The following QTRT1 variants were observed in gnomAD, a reference collection of about 807,000 sequenced individuals.
The protein encoded by QTRT1 is TGT, 43-KD subunit.
QTRT1 carries 41 observed loss-of-function variants against 44.0 expected under a neutral mutation model. The ratio of observed to expected loss-of-function variants is 0.93; its 90% CI spans 0.73 to 1.21. The LOEUF is 1.21. Ranked by LOEUF, QTRT1 falls within the 50% of genes most tolerant of loss-of-function variation. QTRT1 has a pLI of 0.00. For missense variants in QTRT1, 542 were observed against 575.8 expected, an observed-to-expected ratio of 0.94 and a Z score of 0.60; for synonymous variants, 226 against 237.1, an observed-to-expected ratio of 0.95 and a Z score of 0.43.
At chr19:10,702,371 A>G in intron 3 of QTRT1, 117 bp downstream of exon 3, 2 of 1,175,284 alleles carry the variant, frequency 1.7e-6, no homozygotes, top group East Asian at 2.5e-5. Flanking sequence ...GCTGAGCTTC[A>G]GTTGAACCAA....
chr19:10,708,012 A>G (rs2068722654), intron 5 of QTRT1, among the ~76,000 whole-genome samples: 1 of 148,902 alleles, frequency 6.7e-6, no homozygotes, highest in Non-Finnish European at 1.5e-5. Flanking sequence ...CTGTGGCGCG[A>G]TCTCGGCTCA....
Position 10,712,342 on chromosome 19 carries a change from T to C in QTRT1, c.785+43T>C. On this transcript the variant is annotated intron_variant, in intron 6 of 9. Transcript: ENST00000250237. This position sits in a 1 kb window ranked among gnomAD's most constrained non-coding sequence, Gnocchi z 5.6. ...AAGCCAGAGCCCTACCTGTGGGAAG[T>C]GGATTCCTGGGGACCCCCTACCCTG... 1 of 1,578,270 alleles carries C rather than the reference T, an allele frequency of 6.3e-7. No homozygotes were observed. Among genetic ancestry groups the C allele is most frequent in the East Asian group, 2.2e-5 (1 of 44,588 alleles).
At chr19:10,707,191 CG>C (rs1568252803) in intron 3 of QTRT1, 110 bp from the exon 4 acceptor site, 2 of 1,064,312 alleles carry the variant, frequency 1.9e-6, no homozygotes, top group Non-Finnish European at 2.9e-6. Context: ...GTTAGCAAGA[CG>C]GGGGATGGGG....
chr19:10,710,049 G>A (rs183834406), intron 5 of QTRT1, among the ~76,000 whole-genome samples: 17 of 152,102 alleles, frequency 1.1e-4, no homozygotes, highest in Admixed American at 1.0e-3. Context: ...CGCAAGCATG[G>A]GAGTGTGTGC....
Position 10,712,292 on chromosome 19 carries a change from G to A in QTRT1, c.778G>A (p.Gly260Arg). The change falls in exon 6 of 10, where the codon GGG (glycine) becomes AGG (arginine). Residue 260 changes from glycine to arginine, a missense_variant. Coordinates refer to ENST00000250237, the MANE Select transcript of QTRT1 (RefSeq NM_031209.3). This position sits in a 1 kb window ranked among gnomAD's most constrained non-coding sequence, Gnocchi z 5.6. ...GAAGGACAAGCCCCGATATCTGATG[G>A]GGGTTGGGTATGTTGTGGATAGGGA... ...LPKDKPRYLM[G>R]VGYATDLVVC... is the part of the protein sequence containing the mutation. 1 of 1,611,568 alleles carries A rather than the reference G, an allele frequency of 6.2e-7. No homozygotes were observed. The highest frequency in any genetic ancestry group is 1.3e-5 in the African/African-American group (1 of 75,054).
At position 10,707,344 on chromosome 19, in the gene QTRT1, C is replaced by T; in HGVS notation, c.494C>T (p.Thr165Ile). 1 of 1,614,144 alleles carries T rather than the reference C, an allele frequency of 6.2e-7. No individual in the cohort carries two copies. The highest frequency in any genetic ancestry group is 8.5e-7 in the Non-Finnish European group (1 of 1,180,036). ...CAGCTGGACGACGTGGTTAGCAGTA[C>T]TGTGACTGGGCCACGTGTGGAGGAG... Reference protein sequence around the residue: ...IMQLDDVVSSTVTGPRVEEAM... With the variant: ...IMQLDDVVSSIVTGPRVEEAM... Residue 165 changes from threonine (T) to isoleucine (I), a missense_variant, in exon 4 of 10, where the codon ACT (threonine) becomes ATT (isoleucine). Coordinates refer to ENST00000250237, the MANE Select transcript of QTRT1 (RefSeq NM_031209.3).
chr19:10,712,015 C>T lies in QTRT1; in HGVS notation c.647-146C>T, dbSNP rs557048833. 394 of 992,500 alleles carry T rather than the reference C, an allele frequency of 4.0e-4. 5 individuals carry two copies. Among genetic ancestry groups the T allele is most frequent in the South Asian group, 2.1e-3 (153 of 71,232 alleles). 61.5% of individuals were successfully genotyped at this position (992,500 alleles called of 1,614,324 possible). ...TCTGTCTCCCTCTCCGTCTCCCTCT[C>T]CGTCTCTGGCTCTGTCTGTCTGTCT... On this transcript the variant is annotated intron_variant, in intron 5 of 9. Transcript: ENST00000250237. The surrounding 1 kb of genome is among the most constrained non-coding windows in gnomAD (Gnocchi z 5.6).
chr19:10,707,442 C>A, intron 4 of QTRT1, 58 bp from the exon 5 acceptor site: 1 of 1,609,596 alleles, frequency 6.2e-7, no homozygotes, highest in Non-Finnish European at 8.5e-7. Context: ...GTCCCTGTAG[C>A]CTTGTCTCCT....
At chr19:10,703,654 G>C (rs1468240384) in intron 3 of QTRT1, among the ~76,000 whole-genome samples, 1 of 151,888 alleles carries the variant, frequency 6.6e-6, no homozygotes, top group African/African-American at 2.4e-5. Context: ...AAGTAGCTGG[G>C]ATTACAGGTG....
intron 5 of QTRT1, chr19:10,711,889 A>G (rs780076279): frequency 5.4e-6 from 3 of 558,522 alleles, no homozygotes. Context: ...CTGAGTACTG[A>G]AGGAAAAGGT....
chr19:10,712,846 G>A lies in QTRT1; in HGVS notation c.950G>A (p.Cys317Tyr). The A allele has an allele frequency of 2.5e-6, 4 of 1,613,942 alleles. No homozygotes were observed. Among genetic ancestry groups the A allele is most frequent in the East Asian group, 2.2e-5 (1 of 44,882 alleles). ...EKDFGPIDPE[C>Y]TCPTCQKHSR... ...GACTTCGGCCCCATAGACCCGGAGT[G>A]CACCTGCCCCACGTGCCAAAAGTAG... Residue 317 changes from cysteine to tyrosine, a missense_variant, in exon 8 of 10, where the codon TGC becomes TAC. Cys to Tyr is a radical substitution (Grantham distance 194). Coordinates refer to ENST00000250237, the MANE Select transcript of QTRT1 (RefSeq NM_031209.3). The surrounding 1 kb of genome is among the most constrained non-coding windows in gnomAD (Gnocchi z 5.6).
At chr19:10,702,992 C>T (rs1243951027) in intron 3 of QTRT1, among the ~76,000 whole-genome samples, 3 of 150,564 alleles carry the variant, frequency 2.0e-5, no homozygotes, top group Non-Finnish European at 4.4e-5. Context: ...TACTCTCAAA[C>T]TCCTGAGCTC....
Position 10,702,179 on chromosome 19 carries a change from C to G in QTRT1, c.376C>G (p.Arg126Gly), listed in dbSNP as rs1195451187. The change falls in exon 3 of 10, where the codon CGC becomes GGC. Residue 126 changes from arginine to glycine, a missense_variant. Arg to Gly is a moderately radical substitution (Grantham distance 125). Coordinates refer to ENST00000250237, the MANE Select transcript of QTRT1 (RefSeq NM_031209.3). ...GTCCGAGGTGACGGAGGAGGGCGTCCGCTTCCGCTCCCCCTACGACGGCAA... is the reference window on the plus strand; with the variant it reads ...GTCCGAGGTGACGGAGGAGGGCGTCGGCTTCCGCTCCCCCTACGACGGCAA... ...SLSEVTEEGV[R>G]FRSPYDGNET... 2 of 1,614,080 alleles carry G rather than the reference C, an allele frequency of 1.2e-6. No individual in the cohort carries two copies. The highest frequency in any genetic ancestry group is 2.2e-5 in the South Asian group (2 of 91,072).
intron 3 of QTRT1, 105 bp from the exon 4 acceptor site, chr19:10,707,197 A>T (rs911070425): frequency 9.0e-7 from 1 of 1,113,418 alleles, no homozygotes; most frequent in Admixed American, 1.7e-5. Flanking sequence ...AAGACGGGGG[A>T]TGGGGGGATG....
Position 10,701,583 on chromosome 19 carries a change from C to A in QTRT1, c.123C>A (p.Ala41=). The A allele has an allele frequency of 6.2e-7, 1 of 1,609,040 alleles. No homozygotes were observed. The highest frequency in any genetic ancestry group is 1.7e-5 in the Admixed American group (1 of 59,658). ...GELWLPHGTV[A]TPVFMPVGTQ... ...TGTGGCTGCCGCATGGGACAGTGGC[C>A]ACTCCTGTGTTCATGCCAGTGGGCA... is the stretch of plus-strand genomic sequence containing the variant. The change falls in exon 1 of 10, where the codon GCC becomes GCA. Residue 41 remains alanine (A), a synonymous_variant. Coordinates refer to ENST00000250237, the MANE Select transcript of QTRT1 (RefSeq NM_031209.3).
intron 3 of QTRT1, among the ~76,000 whole-genome samples, chr19:10,706,375 C>G (rs937717392): frequency 1.3e-5 from 2 of 151,800 alleles, no homozygotes; most frequent in Admixed American, 6.6e-5. Flanking sequence ...AATCTTAGCA[C>G]TTTTGTTTTG....
rs2068718397 is a variant in QTRT1, at chr19:10,707,315, C to A, written c.465C>A (p.Ile155=). 1 of 1,614,090 alleles carries A rather than the reference C, an allele frequency of 6.2e-7. No homozygotes were observed. The highest frequency in any genetic ancestry group is 1.3e-5 in the African/African-American group (1 of 74,932). ...TCTCACCATCAGGCTCGGACATCAT[C>A]ATGCAGCTGGACGACGTGGTTAGCA... is the stretch of plus-strand genomic sequence containing the variant. ...QIQNALGSDI[I]MQLDDVVSST... Residue 155 remains isoleucine, a synonymous_variant, in exon 4 of 10, where the codon ATC becomes ATA. Transcript: ENST00000250237.
intron 3 of QTRT1, among the ~76,000 whole-genome samples, chr19:10,704,354 C>T (rs1209588680): frequency 6.6e-6 from 1 of 152,086 alleles, no homozygotes; most frequent in African/African-American, 2.4e-5. Context: ...AGTGCGGTGG[C>T]GCGATCTCGG....
At chr19:10,710,163 T>C (rs2068732023) in intron 5 of QTRT1, among the ~76,000 whole-genome samples, 1 of 151,542 alleles carries the variant, frequency 6.6e-6, no homozygotes, top group African/African-American at 2.4e-5. Context: ...GCAGTCTGGG[T>C]AACACAGTGA....
Sources: allele counts gnomAD v4.1 joint callset (sites outside exome capture counted in the v4.1 genomes callset), GRCh38; gene constraint gnomAD v4.1.1; non-coding constraint Gnocchi (gnomAD v3.1); transcripts MANE v1.5; gene names NCBI Gene and HGNC (gene_info 2026-07-23, HGNC 2026-07-21).